Variants in PRR5 observed in about 807,000 individuals in gnomAD.
PRR5 encodes the protein proline rich 5.
A neutral mutation model predicts 30.6 loss-of-function variants in PRR5; 25 were observed. That is an observed-to-expected ratio of 0.82 (90% confidence interval 0.60 to 1.14). PRR5 has a LOEUF of 1.14. Among genes scored for constraint, PRR5 ranks in the 50% most tolerant of loss-of-function variants. The pLI is 0.00. For missense variants in PRR5, 600 were observed against 547.1 expected (o/e 1.10, Z -0.96); for synonymous variants, 286 against 247.1 (o/e 1.16, Z -1.48).
In PRR5 at chr22:44,736,825, G is replaced by C. The variant is rs760489840; in HGVS notation, c.745G>C (p.Val249Leu). The change falls in exon 8 of 8, where the codon GTG becomes CTG. Residue 249 changes from valine to leucine, a missense_variant. Transcript: ENST00000336985. The stretch of plus-strand genomic sequence containing the variant: ...GGGGGACGTGCTGGCCAAGAACCCT[G>C]TGGTGCGCTCCAAGAGCTACAACAC... ...RSGDVLAKNP[V>L]VRSKSYNTPL... The C allele has an allele frequency of 6.3e-7, 1 of 1,591,844 alleles. No individual in the cohort carries two copies. Among genetic ancestry groups the C allele is most frequent in the Non-Finnish European group, 8.6e-7 (1 of 1,164,156 alleles).
Position 44,692,541 on chromosome 22 carries a change from GCTCCTCCACCTGGCA to G in PRR5, c.-10-9940_-10-9926del, listed in dbSNP as rs1014678160. On this transcript the variant is annotated intron_variant, in intron 1 of 8. Transcript: ENST00000006251. The stretch of plus-strand genomic sequence containing the variant: ...CTCCTGGGGGCTCCTCCTCCCGGGG[GCTCCTCCACCTGGCA>G]CTCCTCCACCCAGGGCTCCTCCTCC... Among the ~76,000 whole-genome samples the G allele has an allele frequency of 3.4e-4, 48 of 140,880 alleles. No homozygotes were observed. The East Asian group carries it at 9.4e-3, about 28-fold the overall frequency. 92.4% of individuals were successfully genotyped at this position (140,880 alleles called of 152,430 possible).
chr22:44,707,524 C>T (rs911052382), intron 1 of PRR5, among the ~76,000 whole-genome samples: 1 of 152,236 alleles, frequency 6.6e-6, no homozygotes, highest in Non-Finnish European at 1.5e-5. Flanking sequence ...CCTCTGCCTC[C>T]TGGCAGGGAT....
intron 4 of PRR5, among the ~76,000 whole-genome samples, chr22:44,728,137 C>T (rs1210256777): frequency 6.6e-6 from 1 of 152,176 alleles, no homozygotes; most frequent in East Asian, 1.9e-4. Flanking sequence ...GGGTGCCTGC[C>T]CAGCAGAAGG....
chr22:44,730,814 C>A, intron 4 of PRR5: 1 of 459,194 alleles, frequency 2.2e-6, no homozygotes, highest in Non-Finnish European at 3.8e-6. Context: ...GCCCTGGGTC[C>A]TCTGGGCCAC....
chr22:44,737,114 C>A lies in PRR5; in HGVS notation c.1034C>A (p.Pro345Gln). Reference protein sequence around the residue: ...PTRSSLPRSSPENLVDQILES... With the variant: ...PTRSSLPRSSQENLVDQILES... ...CGCAGCTCCCTGCCCCGCTCCAGCC[C>A]GGAGAACCTGGTGGACCAGATCCTG... The change falls in exon 8 of 8, where the codon CCG becomes CAG. Residue 345 changes from proline (P) to glutamine (Q), a missense_variant. Physicochemically the swap from Pro to Gln is moderately conservative, Grantham distance 76. Transcript: ENST00000336985. The A allele has an allele frequency of 6.2e-7, 1 of 1,612,442 alleles. No homozygotes were observed. Among genetic ancestry groups the A allele is most frequent in the Non-Finnish European group, 8.5e-7 (1 of 1,179,978 alleles).
intron 1 of PRR5, 100 bp from the exon 2 acceptor site, chr22:44,714,491 C>T: frequency 6.7e-7 from 1 of 1,497,392 alleles, no homozygotes; most frequent in Admixed American, 1.8e-5. Flanking sequence ...GATGGCTATC[C>T]TGCCCTTCTA....
At chr22:44,722,988 CTTTT>C (rs3053189) in intron 2 of PRR5, among the ~76,000 whole-genome samples, 2 of 142,576 alleles carry the variant, frequency 1.4e-5, no homozygotes, top group Non-Finnish European at 1.5e-5. Context: ...AAAAACTTTT[CTTTT>C]TTTTTTTTTT....
chr22:44,732,205 A>G, intron 5 of PRR5, 46 bp from the exon 6 acceptor site: 1 of 1,601,508 alleles, frequency 6.2e-7, no homozygotes, highest in East Asian at 2.2e-5. Context: ...GGAGATGAGG[A>G]CGCATGTGAC....
At chr22:44,714,121 AAC>A (rs1263054297) in intron 1 of PRR5, among the ~76,000 whole-genome samples, 1 of 129,994 alleles carries the variant, frequency 7.7e-6, no homozygotes, top group Non-Finnish European at 1.6e-5. Context: ...GAGTTTTACA[AAC>A]AGGGGCAGGA....
chr22:44,681,370 A>G (rs1924269105), intron 1 of PRR5, among the ~76,000 whole-genome samples: 1 of 152,150 alleles, frequency 6.6e-6, no homozygotes, highest in African/African-American at 2.4e-5. Flanking sequence ...CGGGCAGATC[A>G]TGAGGTCAGC....
chr22:44,714,660 C>T lies in PRR5; in HGVS notation c.204C>T (p.Asn68=), dbSNP rs772139746. 20 of 1,613,720 alleles carry T rather than the reference C, an allele frequency of 1.2e-5. No individual in the cohort carries two copies. Among genetic ancestry groups the T allele is most frequent in the African/African-American group, 2.7e-5 (2 of 74,934 alleles). ...GLPDQELFSL[N]EGVRQLLKTE... ...CCGACCAGGAGCTCTTCAGCCTCAACGAGGGCGTCCGGTGAGTGCCTGTCC... is the reference window on the plus strand; with the variant it reads ...CCGACCAGGAGCTCTTCAGCCTCAATGAGGGCGTCCGGTGAGTGCCTGTCC... The change falls in exon 2 of 8, where the codon AAC becomes AAT. Residue 68 remains asparagine, a synonymous_variant. Transcript: ENST00000336985.
At chr22:44,720,049 T>A (rs1370363583) in intron 2 of PRR5, among the ~76,000 whole-genome samples, 1 of 152,176 alleles carries the variant, frequency 6.6e-6, no homozygotes, top group African/African-American at 2.4e-5. Flanking sequence ...CTCCTGTGAT[T>A]TGAGGACATC....
upstream of PRR5, among the ~76,000 whole-genome samples, chr22:44,698,629 G>T (rs1425421313): frequency 1.3e-5 from 2 of 152,176 alleles, no homozygotes; most frequent in Non-Finnish European, 2.9e-5. Flanking sequence ...GAGGCCTTGT[G>T]CCTGCTGGCA....
At chr22:44,701,892 G>GGACATC (rs1308142855), upstream of PRR5, among the ~76,000 whole-genome samples, 1 of 152,006 alleles carries the variant, frequency 6.6e-6, no homozygotes, top group Non-Finnish European at 1.5e-5. Flanking sequence ...CGGGGTCGAA[G>GGACATC]GACATCGTGT....
At chr22:44,732,535 A>G in intron 6 of PRR5, 144 bp downstream of exon 6, 2 of 1,314,214 alleles carry the variant, frequency 1.5e-6, no homozygotes, top group Non-Finnish European at 2.0e-6. Context: ...TGTCAGGGCC[A>G]GGGACCGGGG....
At chr22:44,703,328 G>T (rs888616537) in intron 1 of PRR5, among the ~76,000 whole-genome samples, 3 of 125,612 alleles carry the variant, frequency 2.4e-5, no homozygotes, top group Non-Finnish European at 4.9e-5. Context: ...AGTGGACACT[G>T]TTCGGGGGAG....
chr22:44,692,536 C>T (rs1377953098), intron 1 of PRR5, among the ~76,000 whole-genome samples: 2 of 144,644 alleles, frequency 1.4e-5, no homozygotes, highest in East Asian at 4.1e-4. Flanking sequence ...CTCCTCCTCC[C>T]GGGGGCTCCT....
intron 1 of PRR5, among the ~76,000 whole-genome samples, chr22:44,711,053 G>C (rs2147060835): frequency 6.6e-6 from 1 of 152,292 alleles, no homozygotes; most frequent in East Asian, 1.9e-4. Context: ...AGAGGGAGCA[G>C]GCAGGGGTGG....
In PRR5 at chr22:44,702,568, A is replaced by G; in HGVS notation, c.94A>G (p.Thr32Ala). The G allele has an allele frequency of 7.0e-7, 1 of 1,428,130 alleles. No homozygotes were observed. The highest frequency in any genetic ancestry group is 9.2e-7 in the Non-Finnish European group (1 of 1,089,208). 88.5% of individuals were successfully genotyped at this position (1,428,130 alleles called of 1,614,324 possible). ...GGCCGCCGCCGCGGACGAGCGGGGC[A>G]CGCAGCAGCGCCGGGCCTGCGCCAA... ...EPAAAADERG[T>A]QQRRACANAT... The change falls in exon 1 of 8, where the codon ACG (threonine) becomes GCG (alanine). Residue 32 changes from threonine (T) to alanine (A), a missense_variant. Coordinates refer to ENST00000336985, the MANE Select transcript of PRR5 (RefSeq NM_181333.4).
Sources: gnomAD v4.1 joint callset for allele counts (sites outside exome capture counted in the v4.1 genomes callset) on GRCh38, gnomAD v4.1.1 for gene constraint, MANE v1.5 for transcripts, NCBI Gene and HGNC (gene_info 2026-07-23, HGNC 2026-07-21) for gene names.